NAA40: variants seen among roughly 807,000 people sequenced by gnomAD.
NAA40 encodes N-alpha-acetyltransferase 40, NatD catalytic subunit.
Under a neutral mutation model 36.6 loss-of-function variants are expected in NAA40, and 26 were observed. That is an observed-to-expected ratio of 0.71 (90% CI 0.52 to 0.98). The LOEUF (loss-of-function observed/expected upper bound fraction) is 0.98. Ranked by LOEUF, NAA40 falls within the 50% of genes least tolerant of loss-of-function variation. The probability of loss-of-function intolerance (pLI) is 0.00; values close to 1 mark genes in which losing one functional copy is unlikely to be tolerated. For synonymous variants in NAA40, 129 were observed against 108.4 expected (o/e 1.19, Z -1.18); for missense variants, 237 against 306.5 (o/e 0.77, Z 1.69).
At chr11:63,953,775 A>G (rs1009006055) in intron 6 of NAA40, among the ~76,000 whole-genome samples, 197 bp from the exon 7 acceptor site, 1 of 152,044 alleles carries the variant, frequency 6.6e-6, no homozygotes, top group South Asian at 2.1e-4. Flanking sequence ...ACATGCCACT[A>G]TACTGGGCTG....
chr11:63,946,534 G>T, intron 2 of NAA40: 6 of 1,146,382 alleles, frequency 5.2e-6, no homozygotes, highest in African/African-American at 3.2e-5. Flanking sequence ...CCATTTTTTG[G>T]TCATTCTTTT....
At chr11:63,949,441 C>G (rs147260260) in intron 3 of NAA40, among the ~76,000 whole-genome samples, 125 of 152,146 alleles carry the variant, frequency 8.2e-4, no homozygotes, top group African/African-American at 2.8e-3. Context: ...AATTTTCAAC[C>G]CTCACCCTGT....
At chr11:63,949,474 A>T (rs1942241274) in intron 3 of NAA40, among the ~76,000 whole-genome samples, 1 of 152,084 alleles carries the variant, frequency 6.6e-6, no homozygotes, top group Admixed American at 6.6e-5. Context: ...TTACTGATCC[A>T]GTTAACTATA....
rs750995420 is a variant in NAA40, at chr11:63,946,975, C to T, written c.127C>T (p.Pro43Ser). Reference protein sequence around the residue: ...NRLGDPLEAFPVFKKYDRNGL... With the variant: ...NRLGDPLEAFSVFKKYDRNGL... ...GCTTGGAGACCCTCTGGAGGCTTTC[C>T]CAGTGTTCAAGAAATATGATAGAAA... Residue 43 changes from proline to serine, a missense_variant, in exon 3 of 8, where the codon CCA becomes TCA. Coordinates refer to ENST00000377793, the MANE Select transcript of NAA40 (RefSeq NM_024771.4). 1 of 1,614,026 alleles carries T rather than the reference C, an allele frequency of 6.2e-7. No homozygotes were observed. Among genetic ancestry groups the T allele is most frequent in the Non-Finnish European group, 8.5e-7 (1 of 1,180,024 alleles).
chr11:63,957,191 G>GATATATATATAT lies in NAA40; in HGVS notation c.*2723_*2734dup, dbSNP rs149120523. 1 of 135,126 alleles carries GATATATATATAT rather than the reference G, an allele frequency of 7.4e-6. No individual in the cohort carries two copies. Among genetic ancestry groups the GATATATATATAT allele is most frequent in the African/African-American group, 2.7e-5 (1 of 36,906 alleles). The allele number at this position is 135,126 out of a possible 1,614,324, so 8.4% of individuals were successfully genotyped here. ...AGGAAATTTGGAAGATAAACTCCTT[G>GATATATATATAT]ATATATATATATATATATATATTTT... On this transcript the variant is annotated 3_prime_UTR_variant, in exon 8 of 8. Coordinates refer to ENST00000377793, the MANE Select transcript of NAA40 (RefSeq NM_024771.4).
At position 63,952,786 on chromosome 11, in the gene NAA40, G is replaced by C; in HGVS notation, c.441G>C (p.Arg147=). The part of the protein sequence containing the change: ...CYEVQLESKV[R]RKGLGKFLIQ... ...AAGTGCAGTTGGAAAGCAAGGTGCG[G>C]CGGAAAGGCCTGGGGAAGTTCCTCA... The change falls in exon 6 of 8, where the codon CGG becomes CGC. Residue 147 remains arginine (R), a synonymous_variant. Coordinates refer to ENST00000377793, the MANE Select transcript of NAA40 (RefSeq NM_024771.4). The C allele has an allele frequency of 6.2e-7, 1 of 1,614,116 alleles. No homozygotes were observed. The highest frequency in any genetic ancestry group is 8.5e-7 in the Non-Finnish European group (1 of 1,180,034).
At chr11:63,951,001 G>T (rs1314999051) in intron 3 of NAA40, among the ~76,000 whole-genome samples, 2 of 152,166 alleles carry the variant, frequency 1.3e-5, no homozygotes, top group East Asian at 3.8e-4. Flanking sequence ...GGCTAAGTGG[G>T]TGATAAAGAA....
Position 63,953,972 on chromosome 11 carries a change from C to T in NAA40, c.495C>T (p.Ser165=), listed in dbSNP as rs1372559750. Reference sequence around the variant, plus strand: ...AGGCGTTTGCTCTGCTTTCTTCCAGCACACAGATGAAGAAGGTTATGTTAA... The same window carrying T: ...AGGCGTTTGCTCTGCTTTCTTCCAGTACACAGATGAAGAAGGTTATGTTAA... ...LIQILQLMAN[S]TQMKKVMLTV... Residue 165 remains serine, a splice_region_variant and synonymous_variant, in exon 7 of 8, where the codon AGC becomes AGT. Coordinates refer to ENST00000377793, the MANE Select transcript of NAA40 (RefSeq NM_024771.4). 2.5e-6 allele frequency: 4 copies of T among 1,613,608 alleles called. No individual in the cohort carries two copies. The highest frequency in any genetic ancestry group is 2.2e-5 in the East Asian group (1 of 44,888).
chr11:63,945,669 A>C (rs1020814311), intron 1 of NAA40, among the ~76,000 whole-genome samples, 171 bp from the exon 2 acceptor site: 9 of 152,116 alleles, frequency 5.9e-5, no homozygotes, highest in Non-Finnish European at 1.0e-4. Flanking sequence ...CCCCACTACA[A>C]AATGACCTGC....
In NAA40 at chr11:63,954,615, A is replaced by AGAACCCTGGG. The variant is rs1357385960; in HGVS notation, c.*139_*148dup. 2 of 990,434 alleles carry AGAACCCTGGG rather than the reference A, an allele frequency of 2.0e-6. No individual in the cohort carries two copies. The highest frequency in any genetic ancestry group is 2.8e-6 in the Non-Finnish European group (2 of 713,208). The allele number at this position is 990,434 out of a possible 1,614,324, so 61.4% of individuals were successfully genotyped here. On this transcript the variant is annotated 3_prime_UTR_variant, in exon 8 of 8. Coordinates refer to ENST00000377793, the MANE Select transcript of NAA40 (RefSeq NM_024771.4). ...GTGCCAGGCTGCGCCCTGAGAGCAC[A>AGAACCCTGGG]GAACCCTGGGGAGAAGTGGTATCAG... is the stretch of plus-strand genomic sequence containing the variant.
intron 3 of NAA40, among the ~76,000 whole-genome samples, chr11:63,948,086 C>T (rs1942217773): frequency 1.3e-5 from 2 of 151,866 alleles, no homozygotes; most frequent in Non-Finnish European, 2.9e-5. Flanking sequence ...AACTCCTGAC[C>T]TCAACTGACC....
intron 7 of NAA40, 142 bp from the exon 8 acceptor site, chr11:63,954,196 G>A (rs1942326384): frequency 1.5e-6 from 2 of 1,319,376 alleles, no homozygotes; most frequent in Middle Eastern, 4.8e-4. Context: ...GTATGGCAGT[G>A]CTCTCTGATT....
At chr11:63,939,472 A>C in intron 1 of NAA40, 5 of 1,036,114 alleles carry the variant, frequency 4.8e-6, no homozygotes, top group East Asian at 7.8e-5. Flanking sequence ...CGCTTTTCAC[A>C]TCCGAGGTCA....
intron 1 of NAA40, chr11:63,939,589 C>G: frequency 1.6e-6 from 1 of 631,560 alleles, no homozygotes; most frequent in Non-Finnish European, 2.0e-6. Flanking sequence ...TCCCAGTCCA[C>G]TGCCCTTCCC....
rs774395411 is a variant in NAA40, at chr11:63,956,374, T to C, written c.*1895T>C. 1.3e-5 allele frequency: 2 copies of C among 152,348 alleles called. No homozygotes were observed. Among genetic ancestry groups the C allele is most frequent in the African/African-American group, 4.8e-5 (2 of 41,448 alleles). The allele number at this position is 152,348 out of a possible 1,614,324, so 9.4% of individuals were successfully genotyped here. ...ATATTTATTGTCTTAGATCATGGAT[T>C]CCTGATACCTCTCACTCAAGGGGAC... is the stretch of plus-strand genomic sequence containing the variant. On this transcript the variant is annotated 3_prime_UTR_variant, in exon 8 of 8. Transcript: ENST00000377793.
At chr11:63,942,075 C>G (rs1156951167) in intron 1 of NAA40, among the ~76,000 whole-genome samples, 1 of 152,190 alleles carries the variant, frequency 6.6e-6, no homozygotes, top group African/African-American at 2.4e-5. Context: ...TTGGATGATT[C>G]ATTCAGCAGA....
chr11:63,954,325 G>C lies in NAA40; in HGVS notation c.573-13G>C. 1 of 1,575,476 alleles carries C rather than the reference G, an allele frequency of 6.3e-7. No homozygotes were observed. The highest frequency in any genetic ancestry group is 8.6e-7 in the Non-Finnish European group (1 of 1,160,440). On this transcript the variant is annotated splice_polypyrimidine_tract_variant and intron_variant, in intron 7 of 7. Transcript: ENST00000377793. ...TGCCTGCCACCAACCCTTTTCTCCT[G>C]CCTGCCTTGCAGATTTGAAATTGAT...
chr11:63,943,928 G>A lies in NAA40; in HGVS notation c.7-1912G>A, dbSNP rs553040520. ...TCTAAACCTGTCCATGGTAGAGGGA[G>A]GCTAGTTCTGTTCCAGGAGTCCAGC... On this transcript the variant is annotated intron_variant, in intron 1 of 7. Coordinates refer to ENST00000377793, the MANE Select transcript of NAA40 (RefSeq NM_024771.4). 9.1e-4 allele frequency among the ~76,000 whole-genome samples: 138 copies of A among 152,350 alleles called. 1 individual carries two copies. The highest frequency in any genetic ancestry group is 1.6e-3 in the Admixed American group (25 of 15,304).
chr11:63,953,923 C>A, intron 6 of NAA40, 49 bp from the exon 7 acceptor site: 1 of 1,539,432 alleles, frequency 6.5e-7, no homozygotes, highest in Non-Finnish European at 9.0e-7. Context: ...TGCCACCATG[C>A]CTGGCCATGT....
Sources: allele counts gnomAD v4.1 joint callset (sites outside exome capture counted in the v4.1 genomes callset), GRCh38; gene constraint gnomAD v4.1.1; transcripts MANE v1.5; gene names NCBI Gene and HGNC (gene_info 2026-07-23, HGNC 2026-07-21).